Variants in NLRP5 observed in about 807,000 individuals in gnomAD.
The protein encoded by NLRP5 is NACHT, LRR and PYD domains-containing protein 5.
Under a neutral mutation model 113.1 loss-of-function variants are expected in NLRP5, and 93 were observed. The ratio of observed to expected loss-of-function variants is 0.82; its 90% CI spans 0.70 to 0.98. The LOEUF (loss-of-function observed/expected upper bound fraction) is 0.98, where lower values mean the gene tolerates loss of function less well. Among genes scored for constraint, NLRP5 ranks in the 50% least tolerant of loss-of-function variants. The pLI is 0.00. For missense variants in NLRP5, 1,808 were observed against 1,514.3 expected (o/e 1.19, Z -3.22); for synonymous variants, 751 against 600.7 (o/e 1.25, Z -3.66).
chr19:56,012,742 C>A (rs1982246872), intron 3 of NLRP5, among the ~76,000 whole-genome samples: 1 of 152,128 alleles, frequency 6.6e-6, no homozygotes, highest in Non-Finnish European at 1.5e-5. Context: ...AGACTTCTTT[C>A]AAGTGTTAAA....
intron 7 of NLRP5, among the ~76,000 whole-genome samples, chr19:56,029,248 A>T (rs1387193876): frequency 6.6e-6 from 1 of 151,642 alleles, no homozygotes; most frequent in Non-Finnish European, 1.5e-5. Context: ...AACTCATCTC[A>T]CTCCATTTCA....
At chr19:56,040,894 T>C in intron 10 of NLRP5, 28 bp from the exon 11 acceptor site, 1 of 1,603,302 alleles carries the variant, frequency 6.2e-7, no homozygotes, top group Non-Finnish European at 8.5e-7. Flanking sequence ...CATCTCATCA[T>C]GTCCTCTCTG....
At chr19:56,017,868 C>T (rs1233524313) in intron 4 of NLRP5, among the ~76,000 whole-genome samples, 2 of 152,318 alleles carry the variant, frequency 1.3e-5, no homozygotes, top group Admixed American at 6.5e-5. Flanking sequence ...GGATGGAGTG[C>T]GGTCGCGCAA....
At chr19:55,993,995 C>G in the NLRP5 span, among the ~76,000 whole-genome samples, 1 of 151,550 alleles carries the variant, frequency 6.6e-6, no homozygotes, top group African/African-American at 2.4e-5. Flanking sequence ...ATCACCAGAT[C>G]GCTGGATCAT....
At position 56,053,783 on chromosome 19, in the gene NLRP5, A is replaced by C. The variant is rs1189953147; in HGVS notation, c.3274A>C (p.Lys1092Gln). ...TGCGCTGTGCGAGGGACTGAAGCAA[A>C]AGAACAGTGTTCTGGCGAGACTCGG... The change falls in exon 13 of 15, where the codon AAG (lysine) becomes CAG (glutamine). Residue 1092 changes from lysine (K) to glutamine (Q), a missense_variant. Physicochemically the swap from Lys to Gln is moderately conservative, Grantham distance 53. Coordinates refer to ENST00000390649, the MANE Select transcript of NLRP5 (RefSeq NM_153447.4). The C allele has an allele frequency of 5.4e-5, 87 of 1,613,676 alleles. 1 individual carries two copies. Among genetic ancestry groups the C allele is most frequent in the Non-Finnish European group, 7.4e-5 (87 of 1,179,848 alleles).
At chr19:56,050,340 G>T in intron 11 of NLRP5, 78 bp from the exon 12 acceptor site, 1 of 1,371,460 alleles carries the variant, frequency 7.3e-7, no homozygotes, top group Non-Finnish European at 1.0e-6. Context: ...CTGCAGCTGG[G>T]AGGAGAGCAG....
At chr19:56,037,332 C>G (rs1197334291) in intron 9 of NLRP5, among the ~76,000 whole-genome samples, 1 of 152,110 alleles carries the variant, frequency 6.6e-6, no homozygotes, top group African/African-American at 2.4e-5. Context: ...AACCAGGCCT[C>G]CACCTTCATG....
the NLRP5 span, among the ~76,000 whole-genome samples, chr19:55,989,284 C>T: frequency 7.9e-3 from 1,207 of 152,244 alleles, 21 homozygotes; most frequent in African/African-American, 0.028. Flanking sequence ...TAGACAAAGT[C>T]TCCCTCTTTT....
intron 14 of NLRP5, 51 bp downstream of exon 14, chr19:56,058,461 G>T: frequency 6.7e-7 from 1 of 1,499,358 alleles, no homozygotes; most frequent in Non-Finnish European, 9.0e-7. Context: ...TCTGTTCCAG[G>T]CTTGTTAGCT....
chr19:56,048,201 C>A (rs571189056), intron 11 of NLRP5, among the ~76,000 whole-genome samples: 4 of 152,210 alleles, frequency 2.6e-5, no homozygotes, highest in Non-Finnish European at 1.5e-5. Flanking sequence ...GCGTTTGGAC[C>A]GTTTACATTC....
chr19:56,061,515 G>C lies in NLRP5; in HGVS notation c.3590G>C (p.Trp1197Ser). ...TCTTTTGATGAAGATGACCGGTACT[G>C]GTGGAAAAACTGAAGATACGGAAAC... is the stretch of plus-strand genomic sequence containing the variant. Residue 1197 changes from tryptophan (W) to serine (S), a missense_variant, in exon 15 of 15, where the codon TGG becomes TCG. Physicochemically the swap from Trp to Ser is radical, Grantham distance 177 (BLOSUM62 -3). Coordinates refer to ENST00000390649, the MANE Select transcript of NLRP5 (RefSeq NM_153447.4). 8.7e-6 allele frequency: 14 copies of C among 1,613,864 alleles called. No homozygotes were observed. Among genetic ancestry groups the C allele is most frequent in the African/African-American group, 1.3e-5 (1 of 74,932 alleles).
intron 7 of NLRP5, 96 bp from the exon 8 acceptor site, chr19:56,032,515 C>G: frequency 8.6e-7 from 1 of 1,169,110 alleles, no homozygotes; most frequent in Non-Finnish European, 1.2e-6. Context: ...CGTGGTCTCA[C>G]CTCGAGAGCT....
chr19:56,043,059 A>G (rs1449133587), intron 11 of NLRP5, among the ~76,000 whole-genome samples: 4 of 152,166 alleles, frequency 2.6e-5, no homozygotes, highest in Non-Finnish European at 5.9e-5. Context: ...TTGTCCTGCT[A>G]TAAATATATG....
At chr19:56,012,249 C>G (rs1026539190) in intron 3 of NLRP5, among the ~76,000 whole-genome samples, 5 of 151,914 alleles carry the variant, frequency 3.3e-5, no homozygotes, top group African/African-American at 1.2e-4. Context: ...CCCAGGTTCA[C>G]ACCATTCTCC....
chr19:56,006,903 C>T (rs1039472152), intron 2 of NLRP5, among the ~76,000 whole-genome samples: 1 of 151,272 alleles, frequency 6.6e-6, no homozygotes, highest in Non-Finnish European at 1.5e-5. Flanking sequence ...GCACTCCTGG[C>T]TAATTTTTTG....
chr19:55,990,229 C>T, the NLRP5 span, among the ~76,000 whole-genome samples: 2 of 151,612 alleles, frequency 1.3e-5, no homozygotes, highest in Admixed American at 6.6e-5. Context: ...GCTGGGACTA[C>T]AGGCACACGC....
At chr19:56,045,987 G>T (rs947591788) in intron 11 of NLRP5, among the ~76,000 whole-genome samples, 2 of 152,138 alleles carry the variant, frequency 1.3e-5, no homozygotes, top group Non-Finnish European at 2.9e-5. Context: ...GGTCACCATG[G>T]CTTGACCATG....
chr19:55,998,686 A>ATGTGTG (rs1374764391), upstream of NLRP5, among the ~76,000 whole-genome samples: 23 of 47,500 alleles, frequency 4.8e-4, no homozygotes, highest in African/African-American at 1.6e-3. Flanking sequence ...ATATATATAT[A>ATGTGTG]TATATATATA....
chr19:56,009,563 G>C (rs1007485552), intron 3 of NLRP5, among the ~76,000 whole-genome samples: 2 of 151,992 alleles, frequency 1.3e-5, no homozygotes, highest in African/African-American at 2.4e-5. Context: ...ACTGCTCTGC[G>C]TATTTACAAT....
Sources: gnomAD v4.1 joint callset for allele counts (sites outside exome capture counted in the v4.1 genomes callset) on GRCh38, gnomAD v4.1.1 for gene constraint, MANE v1.5 for transcripts, NCBI Gene and HGNC (gene_info 2026-07-23, HGNC 2026-07-21) for gene names.